FOXN3: variants seen among roughly 807,000 people sequenced by gnomAD.
FOXN3 encodes forkhead box protein N3.
Under a neutral mutation model 38.4 loss-of-function variants are expected in FOXN3, and 7 were observed. The ratio of observed to expected loss-of-function variants is 0.18; its 90% CI spans 0.10 to 0.34. The LOEUF is 0.34. Among genes scored for constraint, FOXN3 ranks in the 10% least tolerant of loss-of-function variants. The pLI is 1.00. For missense variants in FOXN3, 456 were observed against 613.4 expected, an observed-to-expected ratio of 0.74 and a Z score of 2.71; for synonymous variants, 230 against 242.2, an observed-to-expected ratio of 0.95 and a Z score of 0.47.
intron 1 of FOXN3, among the ~76,000 whole-genome samples, chr14:89,467,731 G>C (rs1360235012): frequency 6.8e-6 from 1 of 146,176 alleles, no homozygotes; most frequent in Non-Finnish European, 1.5e-5. Flanking sequence ...AAATAGCTGA[G>C]ACTATAGGTA....
intron 1 of FOXN3, among the ~76,000 whole-genome samples, chr14:89,425,867 T>G (rs1892015458): frequency 1.3e-5 from 2 of 152,214 alleles, no homozygotes; most frequent in Non-Finnish European, 2.9e-5. Context: ...ATTTATTTTA[T>G]CTGTGTTTCC....
chr14:89,340,486 C>T (rs777570627), intron 3 of FOXN3, among the ~76,000 whole-genome samples: 4 of 152,176 alleles, frequency 2.6e-5, no homozygotes, highest in Non-Finnish European at 5.9e-5. Context: ...TTCCCACGCT[C>T]TTTCCGTACC....
chr14:89,296,105 C>G (rs1264450307), intron 3 of FOXN3, among the ~76,000 whole-genome samples: 2 of 151,972 alleles, frequency 1.3e-5, no homozygotes, highest in East Asian at 3.8e-4. Context: ...TCCTTAGGAA[C>G]AGATAAATAA....
chr14:89,398,364 C>T (rs1194590621), intron 2 of FOXN3, among the ~76,000 whole-genome samples: 1 of 152,200 alleles, frequency 6.6e-6, no homozygotes, highest in Non-Finnish European at 1.5e-5. Flanking sequence ...GGACAGCTGA[C>T]ATTTATTTCT....
intron 1 of FOXN3, among the ~76,000 whole-genome samples, chr14:89,610,942 C>A (rs1017293971): frequency 1.3e-5 from 2 of 152,214 alleles, no homozygotes; most frequent in African/African-American, 4.8e-5. Flanking sequence ...TTAGTTCCAT[C>A]AAGTTCTGAT....
At position 89,276,360 on chromosome 14, in the gene FOXN3, C is replaced by T. The variant is rs140671474; in HGVS notation, c.745+4590G>A. Among the ~76,000 whole-genome samples, 1,308 of 152,272 alleles carry T rather than the reference C, an allele frequency of 8.6e-3. 18 individuals are homozygous for T. Among genetic ancestry groups the T allele is most frequent in the Non-Finnish European group, 9.5e-3 (645 of 68,032 alleles). On this transcript the variant is annotated intron_variant, in intron 4 of 5. Coordinates refer to ENST00000557258, the MANE Select transcript of FOXN3 (RefSeq NM_005197.4). Reference sequence around the variant, plus strand: ...AGATAATTTATTTTAATTCTACCACCGCATCCTAGGGACACAGAGTTGATA... The same window carrying T: ...AGATAATTTATTTTAATTCTACCACTGCATCCTAGGGACACAGAGTTGATA...
intron 1 of FOXN3, among the ~76,000 whole-genome samples, chr14:89,555,887 G>A (rs1238213433): frequency 1.4e-5 from 2 of 139,484 alleles, no homozygotes; most frequent in African/African-American, 5.0e-5. Flanking sequence ...ATGTGGGGGT[G>A]TATGTGGGGG....
In FOXN3 at chr14:89,614,513, C is replaced by T. The variant is rs1461551394; in HGVS notation, c.-15+4515G>A. On this transcript the variant is annotated intron_variant, in intron 1 of 6. Coordinates refer to the FOXN3 transcript ENST00000345097. ...CACTAATTGCCACCTTTTTCCTGCT[C>T]ACTATGAGCACAAGCAGCCTCTTAA... is the stretch of plus-strand genomic sequence containing the variant. Among the ~76,000 whole-genome samples, 6 of 152,144 alleles carry T rather than the reference C, an allele frequency of 3.9e-5. No individual in the cohort carries two copies. The East Asian group carries it at 1.2e-3, about 29-fold the overall frequency.
intron 1 of FOXN3, among the ~76,000 whole-genome samples, chr14:89,588,818 A>T (rs1428379621): frequency 6.6e-6 from 1 of 152,228 alleles, no homozygotes; most frequent in Non-Finnish European, 1.5e-5. Context: ...TTAGATACCC[A>T]GGGGCAAAGC....
At chr14:89,293,356 G>C (rs56935949) in intron 3 of FOXN3, among the ~76,000 whole-genome samples, 18 of 152,292 alleles carry the variant, frequency 1.2e-4, no homozygotes, top group African/African-American at 4.1e-4. Context: ...AGACTGGGGG[G>C]TTTAAGCAAC....
intron 4 of FOXN3, among the ~76,000 whole-genome samples, chr14:89,244,107 C>G (rs1220408561): frequency 2.6e-5 from 4 of 152,220 alleles, no homozygotes; most frequent in African/African-American, 7.2e-5. Context: ...AATCTTAATA[C>G]TAGAGATCTG....
At chr14:89,232,077 G>C (rs146683588) in intron 4 of FOXN3, among the ~76,000 whole-genome samples, 2 of 152,168 alleles carry the variant, frequency 1.3e-5, no homozygotes, top group Admixed American at 6.5e-5. Context: ...ACTGGGCCAA[G>C]ACTGGAAAAA....
At chr14:89,428,787 G>A (rs138815514) in intron 1 of FOXN3, among the ~76,000 whole-genome samples, 61 of 152,344 alleles carry the variant, frequency 4.0e-4, no homozygotes, top group African/African-American at 1.1e-3. Context: ...GGCACCCTGC[G>A]CAGGCCTCCA....
At chr14:89,528,921 G>A (rs1023399018) in intron 1 of FOXN3, among the ~76,000 whole-genome samples, 2 of 152,064 alleles carry the variant, frequency 1.3e-5, no homozygotes, top group Non-Finnish European at 2.9e-5. Context: ...CGGATGATAA[G>A]TATCTTCATT....
intron 3 of FOXN3, among the ~76,000 whole-genome samples, chr14:89,322,876 A>C (rs1887934743): frequency 6.6e-6 from 1 of 152,202 alleles, no homozygotes; most frequent in South Asian, 2.1e-4. Flanking sequence ...CCAAAGCCTA[A>C]GGATACAGCA....
chr14:89,173,836 G>A (rs897069501), intron 5 of FOXN3, among the ~76,000 whole-genome samples: 1 of 152,002 alleles, frequency 6.6e-6, no homozygotes, highest in Non-Finnish European at 1.5e-5. Context: ...ACAAAAAATA[G>A]AAGAATTAGC....
At chr14:89,219,905 C>T (rs1340348177) in intron 4 of FOXN3, among the ~76,000 whole-genome samples, 2 of 152,118 alleles carry the variant, frequency 1.3e-5, no homozygotes, top group Non-Finnish European at 2.9e-5. Context: ...GCTAGGTTTG[C>T]CAGAAGCTGT....
At chr14:89,313,376 T>C (rs891173303) in intron 3 of FOXN3, among the ~76,000 whole-genome samples, 1 of 152,056 alleles carries the variant, frequency 6.6e-6, no homozygotes, top group Non-Finnish European at 1.5e-5. Context: ...CTGGCCAACA[T>C]GGTGAAACCC....
intron 1 of FOXN3, among the ~76,000 whole-genome samples, chr14:89,596,609 A>G (rs1218952959): frequency 6.6e-6 from 1 of 151,946 alleles, no homozygotes. Context: ...AATATGTGTT[A>G]TTTCTTCCTT....
Sources: allele counts gnomAD v4.1 joint callset (sites outside exome capture counted in the v4.1 genomes callset), GRCh38; gene constraint gnomAD v4.1.1; transcripts MANE v1.5; gene names NCBI Gene and HGNC (gene_info 2026-07-23, HGNC 2026-07-21).